TTC23L: variants seen among roughly 807,000 people sequenced by gnomAD.
TTC23L encodes tetratricopeptide repeat protein 23-like.
Under a neutral mutation model 48.1 loss-of-function variants are expected in TTC23L, and 42 were observed. That is an observed-to-expected ratio of 0.87 (90% CI 0.68 to 1.13). TTC23L has a LOEUF of 1.13. Among genes scored for constraint, TTC23L ranks in the 50% most tolerant of loss-of-function variants. The pLI is 0.00. For synonymous variants in TTC23L, 159 were observed against 157.2 expected (o/e 1.01, Z -0.09); for missense variants, 391 against 421.0 (o/e 0.93, Z 0.62).
At chr5:34,844,194 C>A (rs1758919700) in intron 2 of TTC23L, among the ~76,000 whole-genome samples, 1 of 152,160 alleles carries the variant, frequency 6.6e-6, no homozygotes, top group East Asian at 1.9e-4. Context: ...CTGGCTGTCC[C>A]ATCAAATTAG....
At chr5:34,867,194 A>G (rs758392495) in intron 7 of TTC23L, 125 bp downstream of exon 7, 1 of 1,038,570 alleles carries the variant, frequency 9.6e-7, no homozygotes, top group Non-Finnish European at 1.4e-6. Context: ...TTTAACCCTG[A>G]CTTTCCTCCA....
At chr5:34,873,301 A>G (rs1391675010) in intron 8 of TTC23L, among the ~76,000 whole-genome samples, 1 of 152,222 alleles carries the variant, frequency 6.6e-6, no homozygotes, top group East Asian at 1.9e-4. Flanking sequence ...CAGTCACACA[A>G]ACTGTATAAA....
the TTC23L span, chr5:34,915,956 G>A: frequency 7.5e-6 from 11 of 1,476,356 alleles, no homozygotes; most frequent in Non-Finnish European, 9.9e-6. Flanking sequence ...CCTTTTCTTG[G>A]GTTACTTACT....
intron 8 of TTC23L, among the ~76,000 whole-genome samples, chr5:34,872,774 G>GGA (rs1283262083): frequency 1.3e-5 from 2 of 152,156 alleles, no homozygotes; most frequent in Non-Finnish European, 2.9e-5. Flanking sequence ...TAAAAGAACC[G>GGA]GACTTGGGCT....
chr5:34,903,089 CAGT>C (rs1763548470), downstream of TTC23L, among the ~76,000 whole-genome samples: 1 of 152,064 alleles, frequency 6.6e-6, no homozygotes, highest in South Asian at 2.1e-4. Flanking sequence ...TATCAATAAA[CAGT>C]AGCATAACAC....
the TTC23L span, chr5:34,913,456 T>C: frequency 3.6e-5 from 53 of 1,457,596 alleles, no homozygotes; most frequent in Middle Eastern, 2.4e-3. Flanking sequence ...GTCTTTATAC[T>C]GATCATAGTT....
At chr5:34,859,890 C>CT (rs1463894165) in intron 4 of TTC23L, among the ~76,000 whole-genome samples, 2 of 120,924 alleles carry the variant, frequency 1.7e-5, no homozygotes, top group Non-Finnish European at 3.2e-5. Flanking sequence ...GTTGTCCAGG[C>CT]TGGAGTGCAG....
At chr5:34,884,667 GA>G (rs1580478991) in intron 9 of TTC23L, among the ~76,000 whole-genome samples, 1 of 151,084 alleles carries the variant, frequency 6.6e-6, no homozygotes, top group East Asian at 1.9e-4. Context: ...AAAAAAGTAA[GA>G]AAACAATCCC....
intron 3 of TTC23L, among the ~76,000 whole-genome samples, chr5:34,848,772 G>A (rs567284270): frequency 1.3e-5 from 2 of 152,242 alleles, no homozygotes; most frequent in South Asian, 4.1e-4. Context: ...GACAGAGTAG[G>A]AGGAAAGGGT....
chr5:34,907,244 C>T, the TTC23L span: 1 of 152,148 alleles, frequency 6.6e-6, no homozygotes, highest in African/African-American at 2.4e-5. Flanking sequence ...TTGGTGAATA[C>T]AATTGAATGG....
exon 8 of TTC23L, chr5:34,868,988 C>T (rs1320565942): frequency 6.2e-7 from 1 of 1,609,168 alleles, no homozygotes; most frequent in African/African-American, 1.3e-5. Flanking sequence ...AAGCTTATGC[C>T]ATGTCTGGAG....
At chr5:34,887,770 T>C (rs992211626) in intron 9 of TTC23L, among the ~76,000 whole-genome samples, 44 of 152,178 alleles carry the variant, frequency 2.9e-4, no homozygotes, top group African/African-American at 1.0e-3. Context: ...GCCAAATAAT[T>C]GTATGTATTT....
chr5:34,893,802 A>AACAG (rs1158560598), intron 9 of TTC23L, among the ~76,000 whole-genome samples: 15 of 96,586 alleles, frequency 1.6e-4, no homozygotes, highest in African/African-American at 5.0e-4. Context: ...GTCAGGAAAA[A>AACAG]ATAGGAAATC....
At chr5:34,912,007 T>C in the TTC23L span, among the ~76,000 whole-genome samples, 2 of 152,272 alleles carry the variant, frequency 1.3e-5, no homozygotes, top group Middle Eastern at 3.4e-3. Context: ...TACAAGAAAA[T>C]TGGGAACCAG....
intron 4 of TTC23L, among the ~76,000 whole-genome samples, chr5:34,854,949 G>A (rs947549328): frequency 1.3e-5 from 2 of 152,172 alleles, no homozygotes; most frequent in African/African-American, 2.4e-5. Flanking sequence ...AATCATTTCT[G>A]GCAGAGATGA....
chr5:34,881,971 G>C (rs932838263), intron 9 of TTC23L, among the ~76,000 whole-genome samples: 2 of 151,958 alleles, frequency 1.3e-5, no homozygotes, highest in African/African-American at 2.4e-5. Flanking sequence ...GGTCAGGCTG[G>C]TCTCGAACTC....
intron 2 of TTC23L, 149 bp from the exon 3 acceptor site, chr5:34,845,338 C>T (rs1043570684): frequency 1.3e-5 from 10 of 754,622 alleles, no homozygotes; most frequent in African/African-American, 3.5e-5. Flanking sequence ...TTGAGGGCGA[C>T]GTGAGTTTAC....
At chr5:34,913,201 G>A in the TTC23L span, among the ~76,000 whole-genome samples, 1 of 152,032 alleles carries the variant, frequency 6.6e-6, no homozygotes, top group African/African-American at 2.4e-5. Flanking sequence ...TTTAAGACAT[G>A]TCCAAAGTAT....
chr5:34,892,602 A>C (rs1045673212), intron 9 of TTC23L, among the ~76,000 whole-genome samples: 2 of 152,208 alleles, frequency 1.3e-5, no homozygotes, highest in African/African-American at 4.8e-5. Flanking sequence ...ATGTAAAGGA[A>C]AAGGGCAAGT....
Sources: gnomAD v4.1 joint callset for allele counts (sites outside exome capture counted in the v4.1 genomes callset) on GRCh38, gnomAD v4.1.1 for gene constraint, MANE v1.5 for transcripts, NCBI Gene and HGNC (gene_info 2026-07-23, HGNC 2026-07-21) for gene names.